The following CFAP99 variants were observed in gnomAD, a reference collection of about 807,000 sequenced individuals.
CFAP99 encodes cilia and flagella associated protein 99, also known as cilia- and flagella-associated protein 99.
Under a neutral mutation model 82.7 loss-of-function variants are expected in CFAP99, and 84 were observed. The ratio of observed to expected loss-of-function variants is 1.02; its 90% CI spans 0.85 to 1.22. The LOEUF is 1.22. Among genes scored for constraint, CFAP99 ranks in the 50% most tolerant of loss-of-function variants. CFAP99 has a pLI of 0.00. For synonymous variants in CFAP99, 456 were observed against 429.5 expected, an observed-to-expected ratio of 1.06 and a Z score of -0.76; for missense variants, 1,059 against 983.5, an observed-to-expected ratio of 1.08 and a Z score of -1.03.
intron 3 of CFAP99, among the ~76,000 whole-genome samples, chr4:2,437,289 G>T (rs866487181): frequency 2.0e-5 from 3 of 152,214 alleles, no homozygotes; most frequent in Non-Finnish European, 2.9e-5. Flanking sequence ...CGGACAACAC[G>T]AGAGCCTTCC....
chr4:2,448,965 G>A lies in CFAP99; in HGVS notation c.643-705G>A, dbSNP rs1734238881. ...AGGAGGACTCTGAGGCATGGGTGAG[G>A]AATGGACAGCGGTCGTGGTCAGTGA... On this transcript the variant is annotated intron_variant, in intron 6 of 14. Transcript: ENST00000635017. The surrounding 1 kb of genome is among the most constrained non-coding windows in gnomAD (Gnocchi z 5.2). Among the ~76,000 whole-genome samples the A allele has an allele frequency of 6.6e-6, 1 of 152,214 alleles. No individual in the cohort carries two copies. Among genetic ancestry groups the A allele is most frequent in the African/African-American group, 2.4e-5 (1 of 41,446 alleles).
At position 2,439,893 on chromosome 4, in the gene CFAP99, G is replaced by A. The variant is rs561591434; in HGVS notation, c.351+1729G>A. Among the ~76,000 whole-genome samples the A allele has an allele frequency of 2.9e-3, 444 of 152,032 alleles. 1 individual carries two copies. The highest frequency in any genetic ancestry group is 0.01 in the African/African-American group (416 of 41,464). ...GGGTCTCGCTCTGTCGCCCAGGCTG[G>A]AGTGCAGTGGTGCAATCTCGGCTCA... is the stretch of plus-strand genomic sequence containing the variant. On this transcript the variant is annotated intron_variant, in intron 4 of 14. Coordinates refer to ENST00000635017, the Ensembl canonical transcript of CFAP99.
chr4:2,460,338 C>A, intron 14 of CFAP99, 96 bp downstream of exon 14: 3 of 1,079,040 alleles, frequency 2.8e-6, no homozygotes, highest in South Asian at 1.4e-5. Flanking sequence ...TAGAAACAAC[C>A]ACCACCCTCC....
At chr4:2,447,305 A>T (rs1486041711) in intron 6 of CFAP99, among the ~76,000 whole-genome samples, 1 of 149,234 alleles carries the variant, frequency 6.7e-6, no homozygotes, top group East Asian at 2.0e-4. Context: ...TAAGTGAATG[A>T]ATGGATGGAT....
At position 2,445,180 on chromosome 4, in the gene CFAP99, G is replaced by A. The variant is rs773210785; in HGVS notation, c.514G>A (p.Ala172Thr). ...GATCAACCACCTGGAGGGCGTGTCT[G>A]CCAGTCAATCCTCTCCTTTAAAGAC... The change falls in exon 6 of 15, where the codon GCC becomes ACC. Residue 172 changes from alanine to threonine, a missense_variant. Physicochemically the swap from Ala to Thr is moderately conservative, Grantham distance 58 (BLOSUM62 0). Transcript: ENST00000635017. 4.8e-5 allele frequency: 69 copies of A among 1,423,604 alleles called. No homozygotes were observed. Among genetic ancestry groups the A allele is most frequent in the Non-Finnish European group, 5.9e-5 (65 of 1,094,998 alleles). 88.2% of individuals were successfully genotyped at this position (1,423,604 alleles called of 1,614,324 possible).
intron 3 of CFAP99, among the ~76,000 whole-genome samples, chr4:2,437,451 C>T (rs553407382): frequency 2.4e-4 from 36 of 152,282 alleles, no homozygotes; most frequent in Non-Finnish European, 4.9e-4. Context: ...TTTCATGGGG[C>T]AGGGCGACCA....
chr4:2,459,296 G>A, intron 13 of CFAP99, 38 bp downstream of exon 13: 1 of 1,488,802 alleles, frequency 6.7e-7, no homozygotes, highest in Non-Finnish European at 8.9e-7. Context: ...TGCCTCAGGG[G>A]CCTCCACGCT....
Position 2,462,798 on chromosome 4 carries a change from C to G in CFAP99, c.2017C>G (p.Pro673Ala). The G allele has an allele frequency of 1.5e-6, 2 of 1,302,860 alleles. No individual in the cohort carries two copies. Among genetic ancestry groups the G allele is most frequent in the Non-Finnish European group, 1.9e-6 (2 of 1,028,610 alleles). The allele number at this position is 1,302,860 out of a possible 1,614,324, so 80.7% of individuals were successfully genotyped here. The stretch of plus-strand genomic sequence containing the variant: ...CGTCCCTGCCCGCGCCGACGCGTTC[C>G]CCGGCCTGCAGGCGCAGCTAGAGGC... The change falls in exon 15 of 15, where the codon CCC (proline) becomes GCC (alanine). Residue 673 changes from proline (P) to alanine (A), a missense_variant. By Grantham distance (27) the Pro-to-Ala change is conservative. Transcript: ENST00000635017. The surrounding 1 kb of genome is among the most constrained non-coding windows in gnomAD (Gnocchi z 4.1).
At chr4:2,452,493 C>T (rs2108731947) in intron 11 of CFAP99, 147 bp downstream of exon 11, 1 of 865,264 alleles carries the variant, frequency 1.2e-6, no homozygotes, top group Admixed American at 2.4e-5. Context: ...GCTCCTCTTC[C>T]TCCTCGAAGG....
intron 6 of CFAP99, among the ~76,000 whole-genome samples, chr4:2,447,296 A>G (rs1295166397): frequency 6.8e-6 from 1 of 146,648 alleles, no homozygotes; most frequent in Non-Finnish European, 1.5e-5. Context: ...ATGGAAGGAT[A>G]AGTGAATGAA....
intron 2 of CFAP99, among the ~76,000 whole-genome samples, chr4:2,432,812 C>T (rs1055440988): frequency 6.6e-6 from 1 of 152,226 alleles, no homozygotes; most frequent in Non-Finnish European, 1.5e-5. Context: ...AGCCACAGGC[C>T]GGTCTCAGTG....
chr4:2,454,802 A>G (rs1734390265), intron 11 of CFAP99, among the ~76,000 whole-genome samples: 1 of 151,174 alleles, frequency 6.6e-6, no homozygotes, highest in African/African-American at 2.4e-5. Flanking sequence ...TTGTATTTTT[A>G]GTAGAGACAA....
chr4:2,443,549 A>G (rs1734099191), intron 5 of CFAP99, among the ~76,000 whole-genome samples: 1 of 152,200 alleles, frequency 6.6e-6, no homozygotes, highest in Non-Finnish European at 1.5e-5. Context: ...TGAATGGGGC[A>G]GAGCCGGCCC....
chr4:2,455,504 G>C (rs202191114), intron 11 of CFAP99, among the ~76,000 whole-genome samples: 1 of 144,826 alleles, frequency 6.9e-6, no homozygotes, highest in African/African-American at 2.6e-5. Flanking sequence ...GAAACCCCAT[G>C]TCTACTAAAA....
In CFAP99 at chr4:2,462,344, T is replaced by C; in HGVS notation, c.1662-99T>C. 3 of 1,209,130 alleles carry C rather than the reference T, an allele frequency of 2.5e-6. No homozygotes were observed. The highest frequency in any genetic ancestry group is 3.2e-6 in the Non-Finnish European group (3 of 929,706). The allele number at this position is 1,209,130 out of a possible 1,614,324, so 74.9% of individuals were successfully genotyped here. A position where few individuals can be genotyped will look rare whatever the true frequency, so the allele number is the denominator to read the frequency against. On this transcript the variant is annotated intron_variant, in intron 14 of 14. Coordinates refer to ENST00000635017, the Ensembl canonical transcript of CFAP99. The surrounding 1 kb of genome is among the most constrained non-coding windows in gnomAD (Gnocchi z 4.1). Reference sequence around the variant, plus strand: ...ATTCCGGTGAACCTCTCCGGCTGCGTAGCTCCTTGCCCCCGCGTCGCTTGG... The same window carrying C: ...ATTCCGGTGAACCTCTCCGGCTGCGCAGCTCCTTGCCCCCGCGTCGCTTGG...
intron 3 of CFAP99, among the ~76,000 whole-genome samples, chr4:2,437,648 G>A (rs1474638606): frequency 6.6e-6 from 1 of 152,198 alleles, no homozygotes; most frequent in Admixed American, 6.5e-5. Context: ...TTGCCACCCA[G>A]CTGGAGCCTT....
rs1298383393 is a variant in CFAP99, at chr4:2,462,903, G to A, written c.2122G>A (p.Ala708Thr). Residue 708 changes from alanine to threonine, a missense_variant, in exon 15 of 15, where the codon GCG (alanine) becomes ACG (threonine). By Grantham distance (58) the Ala-to-Thr change is moderately conservative. Transcript: ENST00000635017. This position sits in a 1 kb window ranked among gnomAD's most constrained non-coding sequence, Gnocchi z 4.1. ...GCAGGGAGGCTCAGGACCCGGGCCC[G>A]CGCGCCGCCTGGAGGCCGCCTGAGC... The A allele has an allele frequency of 7.6e-7, 1 of 1,316,682 alleles. No homozygotes were observed. Among genetic ancestry groups the A allele is most frequent in the Non-Finnish European group, 9.6e-7 (1 of 1,039,506 alleles). 81.6% of individuals were successfully genotyped at this position (1,316,682 alleles called of 1,614,324 possible).
intron 4 of CFAP99, among the ~76,000 whole-genome samples, chr4:2,440,096 C>A (rs1459944394): frequency 6.6e-6 from 1 of 150,700 alleles, no homozygotes; most frequent in Non-Finnish European, 1.5e-5. Context: ...CCTGCCTCGG[C>A]CTCCCAAAGT....
intron 11 of CFAP99, among the ~76,000 whole-genome samples, chr4:2,455,720 C>G (rs975269895): frequency 6.6e-6 from 1 of 152,122 alleles, no homozygotes; most frequent in Non-Finnish European, 1.5e-5. Flanking sequence ...TCTCCTCACA[C>G]CAGGTTACAC....
Sources: allele counts gnomAD v4.1 joint callset (sites outside exome capture counted in the v4.1 genomes callset), GRCh38; gene constraint gnomAD v4.1.1; non-coding constraint Gnocchi (gnomAD v3.1); transcripts MANE v1.5; gene names NCBI Gene and HGNC (gene_info 2026-07-23, HGNC 2026-07-21).